The following GABRG1 variants were observed in gnomAD, a reference collection of about 807,000 sequenced individuals.
GABRG1 encodes the protein gamma-aminobutyric acid type A receptor subunit gamma1, also known as gamma-aminobutyric acid receptor subunit gamma-1.
In GABRG1, 49 loss-of-function variants were observed where a neutral mutation model predicts 49.8. That is an observed-to-expected ratio of 0.98 (90% CI 0.78 to 1.25). GABRG1 has a LOEUF of 1.25. Among genes scored for constraint, GABRG1 ranks in the 50% most tolerant of loss-of-function variants. GABRG1 has a pLI of 0.00. For synonymous variants in GABRG1, 232 were observed against 185.1 expected (o/e 1.25, Z -2.06); for missense variants, 552 against 552.3 (o/e 1.00, Z 0.01).
chr4:46,097,269 C>A lies in GABRG1; in HGVS notation c.185G>T (p.Gly62Val), dbSNP rs977116431. ...TWVLAPKIHE[G>V]DITQILNSLL... ...TGAATTCAGAATTTGTGTGATATCT[C>A]CTTCATGAATTTTTGGGGCCAAGAC... Residue 62 changes from glycine to valine, a missense_variant, in exon 2 of 9, where the codon GGA (glycine) becomes GTA (valine). Coordinates refer to ENST00000295452, the MANE Select transcript of GABRG1 (RefSeq NM_173536.4). The A allele has an allele frequency of 6.2e-7, 1 of 1,611,028 alleles. No individual in the cohort carries two copies.
At chr4:46,111,054 A>C (rs780434114) in intron 1 of GABRG1, among the ~76,000 whole-genome samples, 4 of 151,178 alleles carry the variant, frequency 2.6e-5, no homozygotes, top group Non-Finnish European at 4.4e-5. Flanking sequence ...GAAGAAATCA[A>C]ACTATCTCTT....
intron 7 of GABRG1, among the ~76,000 whole-genome samples, chr4:46,052,123 C>A (rs1231286392): frequency 6.6e-6 from 1 of 151,650 alleles, no homozygotes; most frequent in South Asian, 2.1e-4. Context: ...ATAGCACTAT[C>A]TTAAAACATT....
chr4:46,072,630 C>A (rs528063101), intron 3 of GABRG1, among the ~76,000 whole-genome samples: 124 of 152,060 alleles, frequency 8.2e-4, no homozygotes, highest in South Asian at 3.3e-3. Flanking sequence ...ATTAAAAATC[C>A]ATTACCTATA....
In GABRG1 at chr4:46,039,661, T is replaced by G. The variant is rs1717679805; in HGVS notation, c.*1327A>C. The G allele has an allele frequency of 6.6e-6, 1 of 151,760 alleles. No homozygotes were observed. The highest frequency in any genetic ancestry group is 1.5e-5 in the Non-Finnish European group (1 of 67,788). The allele number at this position is 151,760 out of a possible 1,614,324, so 9.4% of individuals were successfully genotyped here. A position where few individuals can be genotyped will look rare whatever the true frequency, so the allele number is the denominator to read the frequency against. On this transcript the variant is annotated 3_prime_UTR_variant, in exon 9 of 9. Transcript: ENST00000295452. ...CTTATAAACAATTGGTATGTCAAGC[T>G]ACTTACAGGATTATAATGATTGAAG...
chr4:46,097,074 T>A, intron 2 of GABRG1, 127 bp downstream of exon 2: 1 of 820,692 alleles, frequency 1.2e-6, no homozygotes, highest in South Asian at 2.9e-5. Context: ...TAACCAATAA[T>A]CTTCAAATTC....
intron 8 of GABRG1, 23 bp downstream of exon 8, chr4:46,051,401 A>G: frequency 1.3e-6 from 2 of 1,531,368 alleles, no homozygotes; most frequent in South Asian, 1.2e-5. Context: ...TTTATAAAAT[A>G]GAAATTTTTC....
intron 2 of GABRG1, among the ~76,000 whole-genome samples, chr4:46,087,625 T>C (rs1719828076): frequency 6.6e-6 from 1 of 151,862 alleles, no homozygotes; most frequent in African/African-American, 2.4e-5. Flanking sequence ...AGAAAACCTA[T>C]AGTTATTAAA....
In GABRG1 at chr4:46,040,933, A is replaced by C; in HGVS notation, c.*55T>G. Reference sequence around the variant, plus strand: ...TAAACTTCAAGTTACTGAAGCACAAAAGATTCTACTGAATTTAGTCAGACT... The same window carrying C: ...TAAACTTCAAGTTACTGAAGCACAACAGATTCTACTGAATTTAGTCAGACT... On this transcript the variant is annotated 3_prime_UTR_variant, in exon 9 of 9. Coordinates refer to ENST00000295452, the MANE Select transcript of GABRG1 (RefSeq NM_173536.4). 5 of 1,523,720 alleles carry C rather than the reference A, an allele frequency of 3.3e-6. No homozygotes were observed. Among genetic ancestry groups the C allele is most frequent in the Non-Finnish European group, 4.4e-6 (5 of 1,125,696 alleles). 94.4% of individuals were successfully genotyped at this position (1,523,720 alleles called of 1,614,324 possible).
At chr4:46,069,849 A>T (rs959756956) in intron 3 of GABRG1, among the ~76,000 whole-genome samples, 1 of 152,122 alleles carries the variant, frequency 6.6e-6, no homozygotes, top group Non-Finnish European at 1.5e-5. Context: ...ATAAAGAGAA[A>T]TAGAAATAGT....
rs963439444 is a variant in GABRG1 at position 46,102,538 on chromosome 4, A to G, written c.105-5189T>C. Among the ~76,000 whole-genome samples, 20 of 151,636 alleles carry G rather than the reference A, an allele frequency of 1.3e-4. No homozygotes were observed. In the East Asian group the frequency reaches 2.7e-3, roughly 21 times the overall value. Reference sequence around the variant, plus strand: ...TTGCCACTCCCTCCTCCTCTCATTTATGTTTCCCAAGCATTTCTCTCTTAC... The same window carrying G: ...TTGCCACTCCCTCCTCCTCTCATTTGTGTTTCCCAAGCATTTCTCTCTTAC... On this transcript the variant is annotated intron_variant, in intron 1 of 8. Transcript: ENST00000295452.
chr4:46,100,646 C>T (rs1365095151), intron 1 of GABRG1, among the ~76,000 whole-genome samples: 3 of 145,206 alleles, frequency 2.1e-5, no homozygotes, highest in Non-Finnish European at 4.5e-5. Context: ...TGGCAAGCCA[C>T]TGCACATATA....
At chr4:46,042,124 T>G (rs1304133485) in intron 8 of GABRG1, among the ~76,000 whole-genome samples, 1 of 151,940 alleles carries the variant, frequency 6.6e-6, no homozygotes, top group Admixed American at 6.6e-5. Context: ...TTAAATGGGA[T>G]GATGGATATA....
In GABRG1 at chr4:46,054,998, C is replaced by G. The variant is rs184001928; in HGVS notation, c.916+3219G>C. 3.3e-3 allele frequency among the ~76,000 whole-genome samples: 311 copies of G among 94,970 alleles called. 97 individuals are homozygous for G. The highest frequency in any genetic ancestry group is 5.2e-3 in the Non-Finnish European group (252 of 48,150). The allele number at this position is 94,970 out of a possible 152,430, so 62.3% of individuals were successfully genotyped here. A position where few individuals can be genotyped will look rare whatever the true frequency, so the allele number is the denominator to read the frequency against. ...TTGGCTGTGGGTTTGTCATAAAAAC[C>G]CTAGAAGAAAACCTAGGCATTACCA... On this transcript the variant is annotated intron_variant, in intron 7 of 8. Transcript: ENST00000295452.
chr4:46,042,197 T>C (rs750138640), intron 8 of GABRG1, among the ~76,000 whole-genome samples: 1 of 151,968 alleles, frequency 6.6e-6, no homozygotes, highest in East Asian at 1.9e-4. Context: ...AACATCATTA[T>C]TGTTGTCATT....
chr4:46,085,087 AT>A (rs544133560), intron 2 of GABRG1, among the ~76,000 whole-genome samples: 321 of 149,856 alleles, frequency 2.1e-3, no homozygotes, highest in Non-Finnish European at 1.5e-3. Context: ...ATAATAAGAG[AT>A]TTTTTTTTTC....
Position 46,036,024 on chromosome 4 carries a change from C to G in GABRG1, c.*4964G>C, listed in dbSNP as rs1428147260. On this transcript the variant is annotated 3_prime_UTR_variant, in exon 9 of 9. Coordinates refer to ENST00000295452, the MANE Select transcript of GABRG1 (RefSeq NM_173536.4). ...TTACAGTGAAGGATTGAAAACCAAACTATTTCCATTTAGGTAAATCATGTC... is the reference window on the plus strand; with the variant it reads ...TTACAGTGAAGGATTGAAAACCAAAGTATTTCCATTTAGGTAAATCATGTC... 1 of 151,938 alleles carries G rather than the reference C, an allele frequency of 6.6e-6. No individual in the cohort carries two copies. The highest frequency in any genetic ancestry group is 1.5e-5 in the Non-Finnish European group (1 of 67,876). The allele number at this position is 151,938 out of a possible 1,614,324, so 9.4% of individuals were successfully genotyped here.
intron 2 of GABRG1, among the ~76,000 whole-genome samples, chr4:46,094,187 A>G (rs761935560): frequency 5.7e-5 from 7 of 122,838 alleles, no homozygotes; most frequent in African/African-American, 3.5e-4. Context: ...AATGTATATA[A>G]AAAAAAGAGA....
chr4:46,117,670 C>CTG (rs1720949288), intron 1 of GABRG1, among the ~76,000 whole-genome samples: 1 of 140,260 alleles, frequency 7.1e-6, no homozygotes, highest in Admixed American at 7.3e-5. Flanking sequence ...ACGTATATAG[C>CTG]TGTATATATA....
intron 3 of GABRG1, among the ~76,000 whole-genome samples, chr4:46,072,424 C>T (rs1719165109): frequency 6.6e-6 from 1 of 151,910 alleles, no homozygotes; most frequent in South Asian, 2.1e-4. Flanking sequence ...GAATAGACAC[C>T]CATGGATTGA....
Sources: gnomAD v4.1 joint callset for allele counts (sites outside exome capture counted in the v4.1 genomes callset) on GRCh38, gnomAD v4.1.1 for gene constraint, MANE v1.5 for transcripts, NCBI Gene and HGNC (gene_info 2026-07-23, HGNC 2026-07-21) for gene names.